TRIM71: variants seen among roughly 807,000 people sequenced by gnomAD.
TRIM71 encodes E3 ubiquitin-protein ligase TRIM71.
Under a neutral mutation model 61.2 loss-of-function variants are expected in TRIM71, and 9 were observed. The observed-to-expected ratio is 0.15, with a 90% confidence interval of 0.09 to 0.26. TRIM71 has a LOEUF of 0.26. Ranked by LOEUF, TRIM71 falls within the 10% of genes least tolerant of loss-of-function variation. The pLI is 1.00. For synonymous variants in TRIM71, 645 were observed against 553.2 expected (o/e 1.17, Z -2.33); for missense variants, 998 against 1,238.7 (o/e 0.81, Z 2.92).
At chr3:32,840,730 A>T (rs559375622) in intron 1 of TRIM71, among the ~76,000 whole-genome samples, 361 of 152,244 alleles carry the variant, frequency 2.4e-3, no homozygotes, top group African/African-American at 8.4e-3. Flanking sequence ...TTTGTTCAGC[A>T]GGAATGGCTG....
At chr3:32,850,064 G>A (rs1314774783) in intron 1 of TRIM71, among the ~76,000 whole-genome samples, 2 of 152,212 alleles carry the variant, frequency 1.3e-5, no homozygotes, top group Non-Finnish European at 2.9e-5. Flanking sequence ...GATGGTTTCA[G>A]AATTTAGGCC....
At chr3:32,882,248 T>G (rs1446641218) in intron 2 of TRIM71, among the ~76,000 whole-genome samples, 3 of 151,690 alleles carry the variant, frequency 2.0e-5, no homozygotes, top group African/African-American at 7.2e-5. Flanking sequence ...AGTATGACAT[T>G]AATATTAATA....
At chr3:32,881,683 G>A (rs1696908532) in intron 2 of TRIM71, among the ~76,000 whole-genome samples, 1 of 152,124 alleles carries the variant, frequency 6.6e-6, no homozygotes, top group Non-Finnish European at 1.5e-5. Flanking sequence ...TTCTTACTGT[G>A]AAATGTATAT....
chr3:32,829,032 C>G (rs567240608), intron 1 of TRIM71, among the ~76,000 whole-genome samples: 1 of 151,028 alleles, frequency 6.6e-6, no homozygotes, highest in Non-Finnish European at 1.5e-5. Context: ...TTCCCTCTGT[C>G]GCCCAGGCTG....
intron 3 of TRIM71, 32 bp downstream of exon 3, chr3:32,886,100 G>A (rs1228862796): frequency 1.4e-5 from 22 of 1,594,004 alleles, no homozygotes; most frequent in Non-Finnish European, 1.9e-5. Flanking sequence ...CCCAGGCTGT[G>A]CCCACTCGGC....
At chr3:32,834,301 G>A (rs1202188272) in intron 1 of TRIM71, among the ~76,000 whole-genome samples, 1 of 151,936 alleles carries the variant, frequency 6.6e-6, no homozygotes, top group Admixed American at 6.5e-5. Flanking sequence ...AAGTCTAGAT[G>A]ATGTTTGGGA....
At chr3:32,823,451 C>T (rs1696162823) in intron 1 of TRIM71, among the ~76,000 whole-genome samples, 2 of 152,272 alleles carry the variant, frequency 1.3e-5, no homozygotes, top group South Asian at 4.1e-4. Context: ...AGTTTCCTTC[C>T]TTTACAAAGA....
intron 1 of TRIM71, among the ~76,000 whole-genome samples, chr3:32,821,941 G>A (rs1696139590): frequency 6.6e-6 from 1 of 152,134 alleles, no homozygotes; most frequent in South Asian, 2.1e-4. Flanking sequence ...CATGGAGTAG[G>A]GTCTTCGCTT....
In TRIM71 at chr3:32,818,152, G is replaced by C. The variant is rs1426236491; in HGVS notation, c.72G>C (p.Pro24=). Residue 24 remains proline, a synonymous_variant, in exon 1 of 4, where the codon CCG becomes CCC. Transcript: ENST00000383763. ...AGGAGATGTGCGGCTCGCCGGCGCC[G>C]CTCTCCTCCAACTCGTCCGCGTCGT... ...LCKEMCGSPA[P]LSSNSSASSS... is the part of the protein sequence containing the mutation. 6.2e-7 allele frequency: 1 copy of C among 1,610,032 alleles called. No homozygotes were observed. The highest frequency in any genetic ancestry group is 1.7e-5 in the Admixed American group (1 of 59,836).
intron 1 of TRIM71, 96 bp from the exon 2 acceptor site, chr3:32,873,722 C>G (rs6799979): frequency 1 from 1,196,427 of 1,198,132 alleles, 597,388 homozygotes; most frequent in East Asian, 1. Context: ...GGAAGCTGGT[C>G]GTTCGGTTGT....
Position 32,891,537 on chromosome 3 carries a change from G to A in TRIM71, c.2333G>A (p.Cys778Tyr). Reference protein sequence around the residue: ...NHRLLVIHPDCQSARFLGSEG... With the variant: ...NHRLLVIHPDYQSARFLGSEG... ...CGGCTCCTGGTTATTCACCCCGACT[G>A]CCAGTCGGCACGCTTTCTGGGCTCG... is the stretch of plus-strand genomic sequence containing the variant. Residue 778 changes from cysteine (C) to tyrosine (Y), a missense_variant, in exon 4 of 4, where the codon TGC becomes TAC. Physicochemically the swap from Cys to Tyr is radical, Grantham distance 194 (BLOSUM62 -2). Coordinates refer to ENST00000383763, the MANE Select transcript of TRIM71 (RefSeq NM_001039111.3). The surrounding 1 kb of genome is among the most constrained non-coding windows in gnomAD (Gnocchi z 8.2). The A allele has an allele frequency of 6.2e-7, 1 of 1,613,518 alleles. No homozygotes were observed. Among genetic ancestry groups the A allele is most frequent in the Non-Finnish European group, 8.5e-7 (1 of 1,179,704 alleles).
At chr3:32,831,041 G>A (rs759254226) in intron 1 of TRIM71, among the ~76,000 whole-genome samples, 3 of 152,004 alleles carry the variant, frequency 2.0e-5, no homozygotes, top group Admixed American at 1.3e-4. Context: ...CAGGTAATCC[G>A]CCTACCTCGG....
chr3:32,876,100 C>T (rs565720996), intron 2 of TRIM71, among the ~76,000 whole-genome samples: 38 of 152,148 alleles, frequency 2.5e-4, no homozygotes, highest in African/African-American at 8.4e-4. Flanking sequence ...TGTTGCTCTT[C>T]TCCTTTGTCA....
chr3:32,822,319 AGG>A, intron 1 of TRIM71, among the ~76,000 whole-genome samples: 1 of 152,182 alleles, frequency 6.6e-6, no homozygotes, highest in Non-Finnish European at 1.5e-5. Context: ...GGTTGGAAAA[AGG>A]GGTGCAGGTG....
At position 32,891,480 on chromosome 3, in the gene TRIM71, G is replaced by A; in HGVS notation, c.2276G>A (p.Gly759Asp). The part of the protein sequence containing the change: ...SPRGVAFNHE[G>D]HLVVTDFNNH... ...CGGGGTGTGGCCTTCAACCATGAGG[G>A]CCACTTGGTGGTCACTGACTTCAAC... The change falls in exon 4 of 4, where the codon GGC (glycine) becomes GAC (aspartate). Residue 759 changes from glycine (G) to aspartate (D), a missense_variant. By Grantham distance (94) the Gly-to-Asp change is moderately conservative. Transcript: ENST00000383763. This position sits in a 1 kb window ranked among gnomAD's most constrained non-coding sequence, Gnocchi z 8.2. 6.2e-7 allele frequency: 1 copy of A among 1,613,774 alleles called. No homozygotes were observed. The highest frequency in any genetic ancestry group is 8.5e-7 in the Non-Finnish European group (1 of 1,179,926).
In TRIM71 at chr3:32,890,142, G is replaced by A. The variant is rs572587194; in HGVS notation, c.1156-218G>A. Among the ~76,000 whole-genome samples the A allele has an allele frequency of 3.3e-5, 5 of 152,256 alleles. No homozygotes were observed. In the South Asian group the frequency reaches 6.2e-4, roughly 19 times the overall value. Reference sequence around the variant, plus strand: ...GTCACTAATTACATATAGTTGTCCTGTTTCTAGTAACTATCCTCTGTAACC... The same window carrying A: ...GTCACTAATTACATATAGTTGTCCTATTTCTAGTAACTATCCTCTGTAACC... On this transcript the variant is annotated intron_variant, in intron 3 of 3. Coordinates refer to ENST00000383763, the MANE Select transcript of TRIM71 (RefSeq NM_001039111.3). This position sits in a 1 kb window ranked among gnomAD's most constrained non-coding sequence, Gnocchi z 6.2.
chr3:32,857,853 C>T (rs900575568), intron 1 of TRIM71, among the ~76,000 whole-genome samples: 1 of 152,118 alleles, frequency 6.6e-6, no homozygotes, highest in East Asian at 1.9e-4. Context: ...TGCCTGTGAT[C>T]TCAGCTACTC....
intron 1 of TRIM71, among the ~76,000 whole-genome samples, chr3:32,840,230 C>A (rs907942198): frequency 1.3e-5 from 2 of 152,044 alleles, no homozygotes; most frequent in South Asian, 2.1e-4. Context: ...TCCCCACCCC[C>A]CTTCCCTTCC....
intron 1 of TRIM71, among the ~76,000 whole-genome samples, chr3:32,852,773 AAC>A (rs1553644839): frequency 4.0e-5 from 6 of 151,890 alleles, no homozygotes; most frequent in African/African-American, 9.7e-5. Flanking sequence ...AAAAAAAAAA[AAC>A]AAAAACAAAC....
Sources: allele counts gnomAD v4.1 joint callset (sites outside exome capture counted in the v4.1 genomes callset), GRCh38; gene constraint gnomAD v4.1.1; non-coding constraint Gnocchi (gnomAD v3.1); transcripts MANE v1.5; gene names NCBI Gene and HGNC (gene_info 2026-07-23, HGNC 2026-07-21).